The following KIAA1217 variants were observed in gnomAD, a reference collection of about 807,000 sequenced individuals.
The protein encoded by KIAA1217 is sickle tail protein homolog.
KIAA1217 carries 88 observed loss-of-function variants against 163.9 expected under a neutral mutation model. That is an observed-to-expected ratio of 0.54 (90% CI 0.45 to 0.64). The LOEUF is 0.64. KIAA1217 is among the 30% of genes least tolerant of loss of function. The pLI is 0.00. For missense variants in KIAA1217, 2,372 were observed against 2,475.0 expected, an observed-to-expected ratio of 0.96 and a Z score of 0.88; for synonymous variants, 903 against 923.1, an observed-to-expected ratio of 0.98 and a Z score of 0.39.
chr10:23,999,478 G>T (rs17579190), intron 1 of KIAA1217, among the ~76,000 whole-genome samples: 1 of 152,060 alleles, frequency 6.6e-6, no homozygotes, highest in Non-Finnish European at 1.5e-5. Flanking sequence ...TCTACCCTTC[G>T]CGTCATCTTG....
At chr10:23,855,587 G>A (rs1839612688) in intron 1 of KIAA1217, among the ~76,000 whole-genome samples, 1 of 151,736 alleles carries the variant, frequency 6.6e-6, no homozygotes, top group Admixed American at 6.6e-5. Flanking sequence ...GGAAGTTCTG[G>A]ATAATATCCT....
At position 23,912,478 on chromosome 10, in the gene KIAA1217, C is replaced by T. The variant is rs578194944; in HGVS notation, c.-320-94747C>T. ...CCAAGAGGTACTTTTTCAACCCTCA[C>T]CCCTCTCCTACTTTTTCCCCTTTTT... On this transcript the variant is annotated intron_variant, in intron 1 of 18. Transcript: ENST00000376462. Among the ~76,000 whole-genome samples, 105 of 152,140 alleles carry T rather than the reference C, an allele frequency of 6.9e-4. 1 individual carries two copies. Among genetic ancestry groups the T allele is most frequent in the Non-Finnish European group, 1.3e-3 (87 of 67,996 alleles).
chr10:24,231,829 G>C (rs1360923221), intron 2 of KIAA1217, among the ~76,000 whole-genome samples: 1 of 148,876 alleles, frequency 6.7e-6, no homozygotes, highest in East Asian at 2.0e-4. Context: ...GATGGAGTCC[G>C]GCTCTCTCAC....
At chr10:24,249,771 C>T (rs2074262107) in intron 2 of KIAA1217, among the ~76,000 whole-genome samples, 1 of 152,158 alleles carries the variant, frequency 6.6e-6, no homozygotes, top group South Asian at 2.1e-4. Flanking sequence ...ACCTGTAAAC[C>T]AAGGCTGAGA....
intron 1 of KIAA1217, among the ~76,000 whole-genome samples, chr10:23,802,276 A>T (rs1393291739): frequency 6.6e-6 from 1 of 152,168 alleles, no homozygotes; most frequent in Non-Finnish European, 1.5e-5. Context: ...TGGCCAGGGA[A>T]CATCTACGGT....
chr10:24,114,052 T>C (rs1338131438), intron 2 of KIAA1217, among the ~76,000 whole-genome samples: 1 of 152,144 alleles, frequency 6.6e-6, no homozygotes, highest in Non-Finnish European at 1.5e-5. Context: ...ATAATCTACA[T>C]CGGCAAAAGG....
intron 1 of KIAA1217, among the ~76,000 whole-genome samples, chr10:23,818,212 TG>T (rs1837438862): frequency 6.9e-6 from 1 of 144,058 alleles, no homozygotes; most frequent in Non-Finnish European, 1.5e-5. Flanking sequence ...ATATTTTTTT[TG>T]CATCTATAGG....
chr10:24,328,545 A>G (rs988204500), intron 2 of KIAA1217, among the ~76,000 whole-genome samples: 1 of 152,002 alleles, frequency 6.6e-6, no homozygotes, highest in African/African-American at 2.4e-5. Context: ...TCTATGGAAC[A>G]AGTGAGTCAG....
chr10:24,371,349 T>C (rs1486822271), intron 2 of KIAA1217, among the ~76,000 whole-genome samples: 1 of 152,152 alleles, frequency 6.6e-6, no homozygotes, highest in South Asian at 2.1e-4. Context: ...CTACAAACTA[T>C]GAAGGGTTGA....
At chr10:24,349,150 A>G (rs1018465640) in intron 2 of KIAA1217, among the ~76,000 whole-genome samples, 6 of 151,878 alleles carry the variant, frequency 4.0e-5, no homozygotes, top group Non-Finnish European at 7.4e-5. Flanking sequence ...AAAAAAAAAA[A>G]AAAGAGAGAT....
intron 2 of KIAA1217, among the ~76,000 whole-genome samples, chr10:24,361,982 C>CAAAAAAAAAAAAAAAAAAAAAAAAA (rs68117028): frequency 9.9e-6 from 1 of 100,574 alleles, no homozygotes; most frequent in Non-Finnish European, 2.0e-5. Flanking sequence ...GACTCTGTCT[C>CAAAAAAAAAAAAAAAAAAAAAAAAA]AAAAAAAAAA....
chr10:23,730,299 T>G (rs1388352276), intron 1 of KIAA1217, among the ~76,000 whole-genome samples: 1 of 152,186 alleles, frequency 6.6e-6, no homozygotes, highest in Non-Finnish European at 1.5e-5. Context: ...TTGTTGAAAA[T>G]AGTCTTTTCT....
intron 2 of KIAA1217, among the ~76,000 whole-genome samples, chr10:24,167,476 G>A (rs1357682701): frequency 6.6e-6 from 1 of 152,008 alleles, no homozygotes; most frequent in African/African-American, 2.4e-5. Context: ...TCTACAACAT[G>A]TGCAAACTAG....
intron 1 of KIAA1217, among the ~76,000 whole-genome samples, chr10:23,764,245 C>T (rs945019903): frequency 3.9e-5 from 6 of 151,982 alleles, no homozygotes; most frequent in African/African-American, 1.4e-4. Flanking sequence ...AAATAAAAAC[C>T]ACAATGAGTT....
At chr10:24,420,473 CTTTG>C (rs1211602091) in intron 3 of KIAA1217, among the ~76,000 whole-genome samples, 1 of 152,040 alleles carries the variant, frequency 6.6e-6, no homozygotes, top group Non-Finnish European at 1.5e-5. Context: ...GTCTTCATTA[CTTTG>C]TTTGTAATGT....
At chr10:24,260,525 G>T (rs1281191095) in intron 2 of KIAA1217, among the ~76,000 whole-genome samples, 1 of 146,812 alleles carries the variant, frequency 6.8e-6, no homozygotes, top group Non-Finnish European at 1.5e-5. Flanking sequence ...TGAGTCAGAA[G>T]GATCAATTGA....
chr10:24,291,594 G>A (rs1425341200), intron 2 of KIAA1217, among the ~76,000 whole-genome samples: 1 of 152,140 alleles, frequency 6.6e-6, no homozygotes, highest in East Asian at 1.9e-4. Context: ...TGGAGCGTGA[G>A]GACACTTGTA....
chr10:23,729,981 A>G (rs1011690502), intron 1 of KIAA1217, among the ~76,000 whole-genome samples: 1 of 151,968 alleles, frequency 6.6e-6, no homozygotes, highest in African/African-American at 2.4e-5. Context: ...TGTTCACTGC[A>G]AGCTCCGCCT....
chr10:24,388,856 T>C lies in KIAA1217; in HGVS notation c.553+7789T>C, dbSNP rs577738144. 1.5e-3 allele frequency among the ~76,000 whole-genome samples: 205 copies of C among 141,034 alleles called. 1 individual carries two copies. The highest frequency in any genetic ancestry group is 5.7e-3 in the African/African-American group (193 of 33,718). 92.5% of individuals were successfully genotyped at this position (141,034 alleles called of 152,430 possible). A position where few individuals can be genotyped will look rare whatever the true frequency, so the allele number is the denominator to read the frequency against. ...AAATGCAAATCAATCCACAATGAGATACCATCTCACACCAGTTAGAATGGC... is the reference window on the plus strand; with the variant it reads ...AAATGCAAATCAATCCACAATGAGACACCATCTCACACCAGTTAGAATGGC... On this transcript the variant is annotated intron_variant, in intron 3 of 20. Transcript: ENST00000376454.
Sources: allele counts gnomAD v4.1 joint callset (sites outside exome capture counted in the v4.1 genomes callset), GRCh38; gene constraint gnomAD v4.1.1; transcripts MANE v1.5; gene names NCBI Gene and HGNC (gene_info 2026-07-23, HGNC 2026-07-21).